MEIS1: variants seen among roughly 807,000 people sequenced by gnomAD.
MEIS1 encodes the protein homeobox protein Meis1.
In MEIS1, 5 loss-of-function variants were observed where a neutral mutation model predicts 50.8. That is an observed-to-expected ratio of 0.10 (90% CI 0.05 to 0.21). The LOEUF (loss-of-function observed/expected upper bound fraction) is 0.21, where lower values mean the gene tolerates loss of function less well. MEIS1 is among the 10% of genes least tolerant of loss of function. MEIS1 has a pLI of 1.00. For synonymous variants in MEIS1, 176 were observed against 179.3 expected (o/e 0.98, Z 0.15); for missense variants, 318 against 517.3 (o/e 0.61, Z 3.74).
chr2:66,437,019 G>C (rs1196475261), intron 1 of MEIS1: 1 of 889,948 alleles, frequency 1.1e-6, no homozygotes, highest in Admixed American at 6.2e-5. Context: ...TAGAATATTA[G>C]CTGCTTCAAC....
chr2:66,442,508 T>C (rs2103688950), intron 5 of MEIS1, among the ~76,000 whole-genome samples: 1 of 152,276 alleles, frequency 6.6e-6, no homozygotes, highest in South Asian at 2.1e-4. Context: ...TATGTGCATA[T>C]ATACACACGT....
chr2:66,446,502 G>T (rs1441455643), intron 6 of MEIS1, among the ~76,000 whole-genome samples: 1 of 152,154 alleles, frequency 6.6e-6, no homozygotes, highest in Non-Finnish European at 1.5e-5. Flanking sequence ...TCGGGCCTCA[G>T]CGGTGGCCCT....
intron 4 of MEIS1, chr2:66,440,914 T>A: frequency 2.2e-6 from 1 of 454,428 alleles, no homozygotes; most frequent in Non-Finnish European, 3.9e-6. Context: ...TCAGCATGTG[T>A]GCTTAAACTT....
intron 7 of MEIS1, among the ~76,000 whole-genome samples, chr2:66,498,050 G>C (rs1180059119): frequency 6.6e-6 from 1 of 152,008 alleles, no homozygotes; most frequent in South Asian, 2.1e-4. Context: ...TAGGAGAGTG[G>C]GTATAGATAT....
At position 66,464,168 on chromosome 2, in the gene MEIS1, C is replaced by A; in HGVS notation, c.690C>A (p.Gly230=). ...CTACTCGTTCAGGAGGAACCCCAGG[C>A]CCTTCCAGCGGTGGCCACACGTCAC... is the stretch of plus-strand genomic sequence containing the variant. ...TASTRSGGTP[G]PSSGGHTSHS... Residue 230 remains glycine (G), a synonymous_variant, in exon 7 of 13, where the codon GGC becomes GGA. Coordinates refer to ENST00000272369, the MANE Select transcript of MEIS1 (RefSeq NM_002398.3). The A allele has an allele frequency of 6.2e-7, 1 of 1,606,338 alleles. No individual in the cohort carries two copies. The highest frequency in any genetic ancestry group is 1.7e-5 in the Admixed American group (1 of 59,128).
At chr2:66,446,584 C>T (rs1276188394) in intron 6 of MEIS1, among the ~76,000 whole-genome samples, 1 of 152,112 alleles carries the variant, frequency 6.6e-6, no homozygotes, top group Admixed American at 6.5e-5. Flanking sequence ...AACAGCAGCT[C>T]TCCGGGGGGT....
intron 7 of MEIS1, among the ~76,000 whole-genome samples, chr2:66,475,149 T>TAA (rs397839481): frequency 2.1e-5 from 3 of 141,464 alleles, no homozygotes; most frequent in African/African-American, 8.1e-5. Context: ...TATATATATA[T>TAA]AAATATATGA....
At chr2:66,493,032 G>A (rs868395049) in intron 7 of MEIS1, among the ~76,000 whole-genome samples, 10 of 152,078 alleles carry the variant, frequency 6.6e-5, no homozygotes, top group Non-Finnish European at 1.2e-4. Flanking sequence ...TTTGAGGGGC[G>A]GACTTTGGGA....
intron 7 of MEIS1, among the ~76,000 whole-genome samples, chr2:66,495,086 T>C (rs1394073082): frequency 2.0e-5 from 3 of 146,684 alleles, no homozygotes; most frequent in Non-Finnish European, 4.5e-5. Flanking sequence ...TGACCTTTTT[T>C]TTTTTTTTTT....
intron 7 of MEIS1, among the ~76,000 whole-genome samples, chr2:66,497,927 C>A (rs1029377651): frequency 2.0e-5 from 3 of 152,012 alleles, no homozygotes; most frequent in African/African-American, 7.3e-5. Flanking sequence ...GCACTGCCAC[C>A]CATTGTTACT....
intron 9 of MEIS1, among the ~76,000 whole-genome samples, chr2:66,552,001 T>G (rs1007064393): frequency 2.0e-5 from 3 of 151,140 alleles, no homozygotes; most frequent in African/African-American, 7.3e-5. Context: ...TTTAGACCTT[T>G]AAGTATTTAA....
chr2:66,445,691 C>A (rs569272520), intron 6 of MEIS1, among the ~76,000 whole-genome samples: 259 of 152,180 alleles, frequency 1.7e-3, no homozygotes, highest in Middle Eastern at 0.01. Context: ...CCTCGGAGGG[C>A]GCGAAGACTG....
chr2:66,474,879 C>T lies in MEIS1; in HGVS notation c.742+10659C>T, dbSNP rs532820406. On this transcript the variant is annotated intron_variant, in intron 7 of 12. Coordinates refer to ENST00000272369, the MANE Select transcript of MEIS1 (RefSeq NM_002398.3). ...ATATTAGAAGAAAAGGAGAATATGA[C>T]CTTACGTAGCAAAGCTTACATTTTT... 2.0e-5 allele frequency among the ~76,000 whole-genome samples: 3 copies of T among 152,118 alleles called. 1 individual carries two copies. The highest frequency in any genetic ancestry group is 4.8e-5 in the African/African-American group (2 of 41,492).
At chr2:66,443,094 G>C (rs753189607) in intron 6 of MEIS1, 46 bp downstream of exon 6, 1 of 1,546,312 alleles carries the variant, frequency 6.5e-7, no homozygotes, top group South Asian at 1.3e-5. Context: ...AAAAAAATCT[G>C]TATGCATATT....
chr2:66,548,306 A>G (rs920404811), intron 9 of MEIS1, among the ~76,000 whole-genome samples: 8 of 151,900 alleles, frequency 5.3e-5, no homozygotes, highest in African/African-American at 1.9e-4. Context: ...ATCTCTCTCT[A>G]TGGCTTTTTT....
chr2:66,469,212 A>C (rs1470712937), intron 7 of MEIS1, among the ~76,000 whole-genome samples: 1 of 150,526 alleles, frequency 6.6e-6, no homozygotes, highest in Admixed American at 6.6e-5. Context: ...AAGCAAAACC[A>C]GCATGCCAGG....
rs368794437 is a variant in MEIS1, at chr2:66,539,402, T to C, written c.889-8541T>C. Among the ~76,000 whole-genome samples, 164 of 152,318 alleles carry C rather than the reference T, an allele frequency of 1.1e-3. No individual in the cohort carries two copies. The Middle Eastern group carries it at 0.014, about 13-fold the overall frequency. ...CATATAACAAGTAATAATCATCATATATATTCATGATTAACTCACCAGGAG... is the reference window on the plus strand; with the variant it reads ...CATATAACAAGTAATAATCATCATACATATTCATGATTAACTCACCAGGAG... On this transcript the variant is annotated intron_variant, in intron 8 of 12. Transcript: ENST00000272369.
intron 7 of MEIS1, among the ~76,000 whole-genome samples, chr2:66,506,019 C>T (rs558013192): frequency 6.6e-5 from 10 of 152,206 alleles, no homozygotes; most frequent in African/African-American, 9.6e-5. Flanking sequence ...CTTCCTACAG[C>T]GAAAAAGATA....
chr2:66,520,302 G>A (rs909355468), intron 8 of MEIS1, among the ~76,000 whole-genome samples: 8 of 124,752 alleles, frequency 6.4e-5, no homozygotes, highest in East Asian at 2.4e-4. Flanking sequence ...GTGAAACCCC[G>A]TCTCTACTAA....
Sources: gnomAD v4.1 joint callset for allele counts (sites outside exome capture counted in the v4.1 genomes callset) on GRCh38, gnomAD v4.1.1 for gene constraint, MANE v1.5 for transcripts, NCBI Gene and HGNC (gene_info 2026-07-23, HGNC 2026-07-21) for gene names.